ANO2: variants seen among roughly 807,000 people sequenced by gnomAD.
The protein encoded by ANO2 is anoctamin 2, also known as anoctamin-2.
A neutral mutation model predicts 124.2 loss-of-function variants in ANO2; 101 were observed. The observed-to-expected ratio is 0.81, with a 90% confidence interval of 0.69 to 0.96. The LOEUF (loss-of-function observed/expected upper bound fraction) is 0.96, where lower values mean the gene tolerates loss of function less well. Among genes scored for constraint, ANO2 ranks in the 40% least tolerant of loss-of-function variants. The probability of loss-of-function intolerance (pLI) is 0.00; values close to 1 mark genes in which losing one functional copy is unlikely to be tolerated. For synonymous variants in ANO2, 486 were observed against 482.5 expected, an observed-to-expected ratio of 1.01 and a Z score of -0.09; for missense variants, 1,293 against 1,274.5, an observed-to-expected ratio of 1.01 and a Z score of -0.22.
intron 16 of ANO2, among the ~76,000 whole-genome samples, chr12:5,616,660 C>T (rs952625985): frequency 4.6e-5 from 7 of 152,278 alleles, no homozygotes; most frequent in African/African-American, 1.7e-4. Context: ...TGTATGGGCC[C>T]CCTAACTTGC....
intron 20 of ANO2, among the ~76,000 whole-genome samples, chr12:5,590,232 C>A (rs1257408142): frequency 6.6e-6 from 1 of 152,022 alleles, no homozygotes; most frequent in African/African-American, 2.4e-5. Context: ...TGCTCATCAG[C>A]TATCATTAGT....
chr12:5,921,272 T>C lies in ANO2; in HGVS notation c.302A>G (p.Tyr101Cys), dbSNP rs753427413. ...TTTCCGGTAGTGGTAGGCAAGTACATAGTCGACCTTCCTCTGACTGTCATG... is the reference window on the plus strand; with the variant it reads ...TTTCCGGTAGTGGTAGGCAAGTACACAGTCGACCTTCCTCTGACTGTCATG... ...HFHDSQRKVD[Y>C]VLAYHYRKRG... Residue 101 changes from tyrosine to cysteine, a missense_variant, in exon 3 of 25, where the codon TAT (tyrosine) becomes TGT (cysteine). Physicochemically the swap from Tyr to Cys is radical, Grantham distance 194. Transcript: ENST00000682330. 1.9e-6 allele frequency: 3 copies of C among 1,613,988 alleles called. No homozygotes were observed. Among genetic ancestry groups the C allele is most frequent in the Admixed American group, 1.7e-5 (1 of 60,030 alleles).
intron 14 of ANO2, among the ~76,000 whole-genome samples, chr12:5,711,018 C>T (rs1949793344): frequency 1.3e-5 from 2 of 152,038 alleles, no homozygotes; most frequent in East Asian, 1.9e-4. Context: ...ATTAGCCGGG[C>T]GTGGTGGCAT....
At chr12:5,917,923 A>G (rs889010105) in intron 3 of ANO2, among the ~76,000 whole-genome samples, 2 of 152,158 alleles carry the variant, frequency 1.3e-5, no homozygotes, top group Non-Finnish European at 2.9e-5. Context: ...GAGGTAAGCT[A>G]AGCAAGGTCA....
In ANO2 at chr12:5,916,178, GA is replaced by G. The variant is rs1403225897; in HGVS notation, c.534+4861del. On this transcript the variant is annotated intron_variant, in intron 3 of 24. Coordinates refer to ENST00000682330, the MANE Select transcript of ANO2 (RefSeq NM_001364791.2). ...GCTGGTCCCAGCTACTCAGGAGGCT[GA>G]GGCAGGAGGATCACCGGCACCTGGG... Among the ~76,000 whole-genome samples, 3 of 152,158 alleles carry G rather than the reference GA, an allele frequency of 2.0e-5. No individual in the cohort carries two copies. In the East Asian group the frequency reaches 5.8e-4, roughly 29 times the overall value.
chr12:5,667,938 T>A (rs772692305), intron 14 of ANO2, among the ~76,000 whole-genome samples: 15 of 152,256 alleles, frequency 9.9e-5, no homozygotes, highest in Non-Finnish European at 2.2e-4. Flanking sequence ...CACATTATCT[T>A]TATCCACTCT....
At chr12:5,723,994 G>A (rs976839035) in intron 14 of ANO2, among the ~76,000 whole-genome samples, 1 of 152,046 alleles carries the variant, frequency 6.6e-6, no homozygotes, top group Non-Finnish European at 1.5e-5. Flanking sequence ...ACAGAACCCA[G>A]GCCATTTTCT....
At chr12:5,935,461 A>C (rs1232647442) in intron 1 of ANO2, among the ~76,000 whole-genome samples, 1 of 152,198 alleles carries the variant, frequency 6.6e-6, no homozygotes, top group Non-Finnish European at 1.5e-5. Context: ...ATTTTGAGAA[A>C]TACATTTTTT....
At chr12:5,801,899 C>A (rs1331638637) in intron 9 of ANO2, among the ~76,000 whole-genome samples, 12 of 152,202 alleles carry the variant, frequency 7.9e-5, no homozygotes, top group Admixed American at 7.9e-4. Flanking sequence ...TGAGTGCAAA[C>A]CCTGGGCTCT....
At chr12:5,846,614 G>T (rs901656475) in intron 4 of ANO2, among the ~76,000 whole-genome samples, 3 of 152,126 alleles carry the variant, frequency 2.0e-5, no homozygotes, top group Non-Finnish European at 4.4e-5. Context: ...GTATCAGTGG[G>T]GCTGCACTCC....
intron 10 of ANO2, among the ~76,000 whole-genome samples, chr12:5,770,350 T>G (rs1274568383): frequency 2.0e-5 from 3 of 152,156 alleles, no homozygotes; most frequent in Admixed American, 6.5e-5. Flanking sequence ...CATTTCCCCG[T>G]GAGTGGCTAA....
chr12:5,620,011 A>C (rs558421166), intron 16 of ANO2, among the ~76,000 whole-genome samples: 1 of 152,356 alleles, frequency 6.6e-6, no homozygotes, highest in Admixed American at 6.5e-5. Context: ...CAAGGCCTAT[A>C]TGCCTGTTGA....
At chr12:5,567,374 A>G (rs1941831090) in intron 23 of ANO2, among the ~76,000 whole-genome samples, 1 of 152,208 alleles carries the variant, frequency 6.6e-6, no homozygotes, top group African/African-American at 2.4e-5. Context: ...TGGGGTGGGA[A>G]AAACCTCAGA....
chr12:5,588,507 G>T (rs1943235347), intron 20 of ANO2, among the ~76,000 whole-genome samples: 1 of 152,174 alleles, frequency 6.6e-6, no homozygotes, highest in Non-Finnish European at 1.5e-5. Context: ...TGGGCCTCTT[G>T]GCTTTGAGGT....
At chr12:5,919,237 G>A (rs1941554537) in intron 3 of ANO2, among the ~76,000 whole-genome samples, 1 of 152,204 alleles carries the variant, frequency 6.6e-6, no homozygotes, top group Non-Finnish European at 1.5e-5. Context: ...GGTGACATTT[G>A]AGCAGAGAGC....
Position 5,763,460 on chromosome 12 carries a change from G to GT in ANO2, c.1056-12491dup, listed in dbSNP as rs1189790153. ...CTTTTCTCTTCTTAATTTGTCTCCT[G>GT]TTACCTGATCTGTCTCAACTACAAA... On this transcript the variant is annotated intron_variant, in intron 10 of 24. Coordinates refer to ENST00000682330, the MANE Select transcript of ANO2 (RefSeq NM_001364791.2). 4.6e-5 allele frequency among the ~76,000 whole-genome samples: 7 copies of GT among 151,984 alleles called. No individual in the cohort carries two copies. In the East Asian group the frequency reaches 1.4e-3, roughly 29 times the overall value.
chr12:5,831,349 G>C (rs117887535), intron 5 of ANO2, among the ~76,000 whole-genome samples: 1 of 152,196 alleles, frequency 6.6e-6, no homozygotes, highest in South Asian at 2.1e-4. Context: ...AACCAGTCTT[G>C]AAGGACAACA....
At chr12:5,723,045 G>C (rs967609578) in intron 14 of ANO2, among the ~76,000 whole-genome samples, 4 of 152,200 alleles carry the variant, frequency 2.6e-5, no homozygotes, top group Non-Finnish European at 5.9e-5. Context: ...CACACTGTGG[G>C]TACACTGTGG....
chr12:5,709,588 A>T (rs1380158210), intron 14 of ANO2, among the ~76,000 whole-genome samples: 2 of 152,146 alleles, frequency 1.3e-5, no homozygotes, highest in African/African-American at 4.8e-5. Context: ...CAGGTAAGCC[A>T]CGGGAAGCAG....
Sources: gnomAD v4.1 joint callset for allele counts (sites outside exome capture counted in the v4.1 genomes callset) on GRCh38, gnomAD v4.1.1 for gene constraint, MANE v1.5 for transcripts, NCBI Gene and HGNC (gene_info 2026-07-23, HGNC 2026-07-21) for gene names.